The following CLCA4 variants were observed in gnomAD, a reference collection of about 807,000 sequenced individuals.
The protein encoded by CLCA4 is chloride channel accessory 4.
Under a neutral mutation model 78.9 loss-of-function variants are expected in CLCA4, and 69 were observed. That is an observed-to-expected ratio of 0.87 (90% confidence interval 0.72 to 1.07). CLCA4 has a LOEUF of 1.07. CLCA4 is among the 50% of genes least tolerant of loss of function. The pLI is 0.00. For missense variants in CLCA4, 1,133 were observed against 1,095.8 expected (o/e 1.03, Z -0.48); for synonymous variants, 362 against 375.8 (o/e 0.96, Z 0.42).
intron 10 of CLCA4, 116 bp downstream of exon 10, chr1:86,574,871 T>C: frequency 1.4e-6 from 1 of 739,540 alleles, no homozygotes; most frequent in Non-Finnish European, 2.3e-6. Context: ...TAAGATAAAA[T>C]AGTATGTACT....
Position 86,571,227 on chromosome 1 carries a change from G to A in CLCA4, c.1333G>A (p.Ala445Thr). 3 of 1,612,436 alleles carry A rather than the reference G, an allele frequency of 1.9e-6. No individual in the cohort carries two copies. The highest frequency in any genetic ancestry group is 8.5e-7 in the Non-Finnish European group (1 of 1,178,934). Reference sequence around the variant, plus strand: ...TGCTTTGGGAAGAGCTGCTGATGAAGCAGTAATAGAGATGAGCAAGATAAC... The same window carrying A: ...TGCTTTGGGAAGAGCTGCTGATGAAACAGTAATAGAGATGAGCAAGATAAC... ...FIALGRAADE[A>T]VIEMSKITGG... Residue 445 changes from alanine to threonine, a missense_variant, in exon 8 of 14, where the codon GCA becomes ACA. Ala to Thr is a moderately conservative substitution (Grantham distance 58, BLOSUM62 0). Coordinates refer to ENST00000370563, the MANE Select transcript of CLCA4 (RefSeq NM_012128.4).
In CLCA4 at chr1:86,580,069, TAAAC is replaced by T; in HGVS notation, c.2485_2488del (p.Lys829GlnfsTer19). On this transcript the variant is annotated frameshift_variant, in exon 14 of 14. Coordinates refer to ENST00000370563, the MANE Select transcript of CLCA4 (RefSeq NM_012128.4). LOFTEE classifies it low-confidence loss of function (END_TRUNC). Reference sequence around the variant, plus strand: ...CCAACTCCAAGGAAAGCTTTGCATTTAAACCAGAAAATATCTCAGAAGAAAATGC... The same window carrying T: ...CCAACTCCAAGGAAAGCTTTGCATTTCAGAAAATATCTCAGAAGAAAATGC... The T allele has an allele frequency of 2.5e-6, 4 of 1,612,990 alleles. No homozygotes were observed. In the Admixed American group the frequency reaches 6.7e-5, roughly 27 times the overall value.
chr1:86,550,880 G>C (rs1384590626), intron 1 of CLCA4, among the ~76,000 whole-genome samples: 2 of 146,282 alleles, frequency 1.4e-5, no homozygotes, highest in East Asian at 4.1e-4. Context: ...CCCCCAGGCT[G>C]GAGTGCAGTG....
chr1:86,560,100 A>G (rs2101798704), intron 2 of CLCA4, 28 bp downstream of exon 2: 1 of 1,561,958 alleles, frequency 6.4e-7, no homozygotes, highest in East Asian at 2.3e-5. Flanking sequence ...CTCTTAAAAA[A>G]TTATATTTTC....
chr1:86,560,721 A>G (rs1395938267), intron 3 of CLCA4, among the ~76,000 whole-genome samples: 1 of 152,220 alleles, frequency 6.6e-6, no homozygotes, highest in Non-Finnish European at 1.5e-5. Flanking sequence ...GGATATTAAC[A>G]AATCACCAGT....
At chr1:86,558,164 T>A (rs1649906738) in intron 1 of CLCA4, among the ~76,000 whole-genome samples, 1 of 152,178 alleles carries the variant, frequency 6.6e-6, no homozygotes, top group Admixed American at 6.5e-5. Flanking sequence ...CTCTGTGCCT[T>A]TTAAGTGGGG....
intron 3 of CLCA4, among the ~76,000 whole-genome samples, chr1:86,562,054 T>C (rs1379031679): frequency 2.0e-5 from 3 of 151,946 alleles, no homozygotes; most frequent in East Asian, 1.9e-4. Flanking sequence ...GAGGCTGCCA[T>C]AGCACATATT....
chr1:86,549,668 G>C (rs975563458), intron 1 of CLCA4, among the ~76,000 whole-genome samples: 4 of 152,184 alleles, frequency 2.6e-5, no homozygotes, highest in Non-Finnish European at 5.9e-5. Context: ...AGATGTATAG[G>C]GGATAGGTGA....
At chr1:86,568,820 C>T (rs1650271722) in intron 7 of CLCA4, among the ~76,000 whole-genome samples, 1 of 151,928 alleles carries the variant, frequency 6.6e-6, no homozygotes, top group Non-Finnish European at 1.5e-5. Flanking sequence ...ATGTAGCTTC[C>T]CATTTACTCC....
intron 1 of CLCA4, among the ~76,000 whole-genome samples, chr1:86,554,622 T>G (rs1180155454): frequency 1.3e-5 from 2 of 152,204 alleles, no homozygotes; most frequent in Non-Finnish European, 2.9e-5. Flanking sequence ...TGATTCCATG[T>G]CTTTGCTATT....
intron 11 of CLCA4, among the ~76,000 whole-genome samples, chr1:86,575,855 C>G (rs1298204887): frequency 6.6e-6 from 1 of 151,978 alleles, no homozygotes; most frequent in Non-Finnish European, 1.5e-5. Context: ...CTTCGGGAGG[C>G]CAAGGTGGGC....
chr1:86,566,050 G>C (rs755758828), intron 6 of CLCA4, 30 bp downstream of exon 6: 14 of 1,580,642 alleles, frequency 8.9e-6, no homozygotes, highest in Admixed American at 1.7e-5. Flanking sequence ...ATATAGGGAT[G>C]TAGGATATTT....
At position 86,577,906 on chromosome 1, in the gene CLCA4, T is replaced by C; in HGVS notation, c.1956T>C (p.Ala652=). ...VLELLDNGAG[A]DSFKNDGVYS... is the part of the protein sequence containing the mutation. Reference sequence around the variant, plus strand: ...TTCCTTCATTTCTATAACAAGGCGCTGATTCTTTCAAGAATGATGGAGTCT... The same window carrying C: ...TTCCTTCATTTCTATAACAAGGCGCCGATTCTTTCAAGAATGATGGAGTCT... The change falls in exon 12 of 14, where the codon GCT becomes GCC. Residue 652 remains alanine, a synonymous_variant. Transcript: ENST00000370563. The C allele has an allele frequency of 6.2e-7, 1 of 1,609,428 alleles. No individual in the cohort carries two copies. The highest frequency in any genetic ancestry group is 8.5e-7 in the Non-Finnish European group (1 of 1,178,092).
Position 86,580,144 on chromosome 1 carries a change from G to C in CLCA4, c.2559G>C (p.Leu853Phe). 9 of 1,612,492 alleles carry C rather than the reference G, an allele frequency of 5.6e-6. No individual in the cohort carries two copies. The highest frequency in any genetic ancestry group is 7.6e-6 in the Non-Finnish European group (9 of 1,179,148). Residue 853 changes from leucine (L) to phenylalanine (F), a missense_variant, in exon 14 of 14, where the codon TTG becomes TTC. By Grantham distance (22) the Leu-to-Phe change is conservative (BLOSUM62 0). Transcript: ENST00000370563. ...TTAAAAGTATAGATAAAAGCAATTTGACATCAAAAGTATCCAACATTGCAC... is the reference window on the plus strand; with the variant it reads ...TTAAAAGTATAGATAAAAGCAATTTCACATCAAAAGTATCCAACATTGCAC... ...IAIKSIDKSNLTSKVSNIAQV... is the reference protein window; with the variant it reads ...IAIKSIDKSNFTSKVSNIAQV...
Position 86,563,766 on chromosome 1 carries a change from C to T in CLCA4, c.554C>T (p.Thr185Ile). 6.4e-7 allele frequency: 1 copy of T among 1,567,514 alleles called. No homozygotes were observed. Among genetic ancestry groups the T allele is most frequent in the South Asian group, 1.1e-5 (1 of 87,518 alleles). ...YRAKSKKIEA[T>I]RCSAGISGRN... ...GCTAAGTCAAAAAAAATCGAAGCAACAAGGCATGGCTATTTAAATTTTCTA... is the reference window on the plus strand; with the variant it reads ...GCTAAGTCAAAAAAAATCGAAGCAATAAGGCATGGCTATTTAAATTTTCTA... Residue 185 changes from threonine to isoleucine, a missense_variant, in exon 4 of 14, where the codon ACA becomes ATA. Thr to Ile is a moderately conservative substitution (Grantham distance 89). Coordinates refer to ENST00000370563, the MANE Select transcript of CLCA4 (RefSeq NM_012128.4).
At position 86,560,245 on chromosome 1, in the gene CLCA4, G is replaced by T; in HGVS notation, c.335G>T (p.Gly112Val). ...ATAGTTGCACCACCTACACTCCCAG[G>T]TAGAGATGAACCATACACCAAGCAG... ...DVIVAPPTLP[G>V]RDEPYTKQFT... Residue 112 changes from glycine (G) to valine (V), a missense_variant, in exon 3 of 14, where the codon GGT becomes GTT. Coordinates refer to ENST00000370563, the MANE Select transcript of CLCA4 (RefSeq NM_012128.4). 1 of 1,613,790 alleles carries T rather than the reference G, an allele frequency of 6.2e-7. No individual in the cohort carries two copies. Among genetic ancestry groups the T allele is most frequent in the Non-Finnish European group, 8.5e-7 (1 of 1,179,900 alleles).
intron 9 of CLCA4, chr1:86,572,978 G>A (rs552390129): frequency 4.0e-4 from 158 of 397,668 alleles, no homozygotes; most frequent in Non-Finnish European, 2.1e-4. Context: ...ACATTACAAT[G>A]TTATAATGTC....
At chr1:86,558,614 A>G (rs1475668134) in intron 1 of CLCA4, among the ~76,000 whole-genome samples, 1 of 152,136 alleles carries the variant, frequency 6.6e-6, no homozygotes, top group Non-Finnish European at 1.5e-5. Flanking sequence ...GAAACTTACA[A>G]TCATGGCAGA....
chr1:86,570,169 A>G (rs1332645475), intron 7 of CLCA4, among the ~76,000 whole-genome samples: 3 of 151,886 alleles, frequency 2.0e-5, no homozygotes, highest in Non-Finnish European at 4.4e-5. Flanking sequence ...TTTCTTAGGG[A>G]TTTCTACATT....
Sources: gnomAD v4.1 joint callset for allele counts (sites outside exome capture counted in the v4.1 genomes callset) on GRCh38, gnomAD v4.1.1 for gene constraint, MANE v1.5 for transcripts, NCBI Gene and HGNC (gene_info 2026-07-23, HGNC 2026-07-21) for gene names.